Variants in UBE3A observed in about 807,000 individuals in gnomAD.
The protein encoded by UBE3A is ubiquitin-protein ligase E3A.
A neutral mutation model predicts 83.4 loss-of-function variants in UBE3A; 6 were observed. The observed-to-expected ratio is 0.07, with a 90% CI of 0.04 to 0.14. UBE3A has a LOEUF of 0.14. UBE3A is among the 10% of genes least tolerant of loss of function. The probability of loss-of-function intolerance (pLI) is 1.00; values close to 1 mark genes in which losing one functional copy is unlikely to be tolerated. For synonymous variants in UBE3A, 337 were observed against 355.4 expected (o/e 0.95, Z 0.58); for missense variants, 456 against 1,036.1 (o/e 0.44, Z 7.69).
At chr15:25,415,765 G>A (rs545924854) in intron 1 of UBE3A, 1 of 148,972 alleles carries the variant, frequency 6.7e-6, no homozygotes, top group African/African-American at 2.5e-5. Context: ...TAAGCTGATT[G>A]ATGGTAGGGA....
chr15:25,414,668 T>C (rs1288307103), intron 1 of UBE3A, among the ~76,000 whole-genome samples: 1 of 152,216 alleles, frequency 6.6e-6, no homozygotes, highest in Non-Finnish European at 1.5e-5. Context: ...AGTCATATTC[T>C]AAAGAGTCTC....
intron 11 of UBE3A, among the ~76,000 whole-genome samples, chr15:25,349,309 T>C (rs2076162655): frequency 6.6e-6 from 1 of 152,140 alleles, no homozygotes; most frequent in Non-Finnish European, 1.5e-5. Context: ...TAAACCTATA[T>C]TACACAATTA....
chr15:25,360,352 G>T, intron 7 of UBE3A, 31 bp downstream of exon 7: 2 of 1,612,276 alleles, frequency 1.2e-6, no homozygotes, highest in South Asian at 2.2e-5. Flanking sequence ...AAGATGATAC[G>T]ACACCATAAT....
At chr15:25,356,181 T>A in intron 8 of UBE3A, 125 bp from the exon 9 acceptor site, 1 of 1,186,440 alleles carries the variant, frequency 8.4e-7, no homozygotes, top group South Asian at 1.3e-5. Flanking sequence ...GTGTAGACAG[T>A]ATCCCTCCAG....
chr15:25,393,718 A>G (rs1197688032), intron 4 of UBE3A: 1 of 152,194 alleles, frequency 6.6e-6, no homozygotes, highest in Non-Finnish European at 1.5e-5. Context: ...AACTATCCCT[A>G]CTGTGAACTA....
chr15:25,340,060 C>T (rs2074487056), intron 12 of UBE3A, 25 bp downstream of exon 12: 1 of 1,613,830 alleles, frequency 6.2e-7, no homozygotes, highest in Non-Finnish European at 8.5e-7. Flanking sequence ...GGTAGGTATA[C>T]AGTCACAAGT....
intron 8 of UBE3A, 115 bp downstream of exon 8, chr15:25,356,576 G>C (rs2077242436): frequency 2.0e-6 from 2 of 1,016,632 alleles, no homozygotes; most frequent in Non-Finnish European, 3.0e-6. Context: ...TTATCTTATT[G>C]ATAAGAGTAT....
At chr15:25,409,943 A>C (rs1008804524) in intron 2 of UBE3A, among the ~76,000 whole-genome samples, 6 of 150,736 alleles carry the variant, frequency 4.0e-5, no homozygotes, top group African/African-American at 1.5e-4. Flanking sequence ...GAACTGAACA[A>C]TGAGAACACA....
rs2081077265 is a variant in UBE3A at position 25,375,597 on chromosome 15, C to T, written c.229G>A (p.Ala77Thr). The change falls in exon 5 of 13, where the codon GCA becomes ACA. Residue 77 changes from alanine (A) to threonine (T), a missense_variant. This residue lies in a region of UBE3A where 20 missense variants were observed against 50.4 expected (regional missense o/e 0.40). Coordinates refer to ENST00000648336, the MANE Select transcript of UBE3A (RefSeq NM_130839.5). Reference sequence around the variant, plus strand: ...GAGGGATGAGGATCACAGAGTTTTGCATTAATCTTATAAAGCTCGAGGGCT... The same window carrying T: ...GAGGGATGAGGATCACAGAGTTTTGTATTAATCTTATAAAGCTCGAGGGCT... ...IKALELYKIN[A>T]KLCDPHPSKK... 6.2e-7 allele frequency: 1 copy of T among 1,613,996 alleles called. No homozygotes were observed. Among genetic ancestry groups the T allele is most frequent in the Non-Finnish European group, 8.5e-7 (1 of 1,180,036 alleles).
chr15:25,339,120 T>C lies in UBE3A; in HGVS notation c.*17A>G. The stretch of plus-strand genomic sequence containing the variant: ...TTTTTCCTTCCTTTTTTTTGTTTTA[T>C]TTTGTTTTGTTTTGTTTTACAGCAT... On this transcript the variant is annotated 3_prime_UTR_variant, in exon 13 of 13. Transcript: ENST00000648336. 1 of 1,504,570 alleles carries C rather than the reference T, an allele frequency of 6.6e-7. No individual in the cohort carries two copies. The highest frequency in any genetic ancestry group is 2.2e-4 in the Middle Eastern group (1 of 4,586). 93.2% of individuals were successfully genotyped at this position (1,504,570 alleles called of 1,614,324 possible). A position where few individuals can be genotyped will look rare whatever the true frequency, so the allele number is the denominator to read the frequency against.
At chr15:25,342,501 G>C (rs1345495441) in intron 11 of UBE3A, among the ~76,000 whole-genome samples, 3 of 151,542 alleles carry the variant, frequency 2.0e-5, no homozygotes, top group Non-Finnish European at 2.9e-5. Flanking sequence ...TTAACATTTT[G>C]AATTAAACAA....
intron 7 of UBE3A, among the ~76,000 whole-genome samples, chr15:25,358,887 C>T (rs990451610): frequency 6.6e-6 from 1 of 152,118 alleles, no homozygotes; most frequent in African/African-American, 2.4e-5. Context: ...ATGGTATTAA[C>T]AGGATCAAGA....
chr15:25,406,856 GAAAAAAA>G (rs11413336), intron 3 of UBE3A, among the ~76,000 whole-genome samples: 4 of 114,684 alleles, frequency 3.5e-5, no homozygotes, highest in Non-Finnish European at 6.7e-5. Flanking sequence ...AATGGAAAAG[GAAAAAAA>G]AAAAAAAAAA....
rs148415998 is a variant in UBE3A at position 25,367,275 on chromosome 15, A to G, written c.1608+3291T>C. On this transcript the variant is annotated intron_variant, in intron 6 of 12. Coordinates refer to ENST00000648336, the MANE Select transcript of UBE3A (RefSeq NM_130839.5). ...CATATTTGTAAATATGTAAATATTT[A>G]CATATTTAAATTAAATTAATTTACA... Among the ~76,000 whole-genome samples, 845 of 111,222 alleles carry G rather than the reference A, an allele frequency of 7.6e-3. 8 individuals are homozygous for G. The highest frequency in any genetic ancestry group is 0.034 in the East Asian group (56 of 1,638). The allele number at this position is 111,222 out of a possible 152,430, so 73.0% of individuals were successfully genotyped here.
chr15:25,399,837 C>T (rs1201848988), intron 4 of UBE3A, among the ~76,000 whole-genome samples: 1 of 152,034 alleles, frequency 6.6e-6, no homozygotes, highest in Non-Finnish European at 1.5e-5. Flanking sequence ...CTCAGTCTCC[C>T]AGAGTGTGGG....
At chr15:25,433,286 C>A (rs150721994) in intron 1 of UBE3A, among the ~76,000 whole-genome samples, 3,791 of 151,454 alleles carry the variant, frequency 0.025, 164 homozygotes, top group African/African-American at 0.088. Context: ...CGTGTTCAAG[C>A]GTTTCCCCTG....
rs144068356 is a variant in UBE3A at position 25,429,862 on chromosome 15, G to A, written c.-165+8627C>T. On this transcript the variant is annotated intron_variant, in intron 1 of 12. Coordinates refer to ENST00000648336, the MANE Select transcript of UBE3A (RefSeq NM_130839.5). The stretch of plus-strand genomic sequence containing the variant: ...TCTACTAAAAATACAAAAATTAGCC[G>A]GGCGTGGTAGTGCACACCTGTAGTC... Among the ~76,000 whole-genome samples the A allele has an allele frequency of 6.7e-4, 100 of 149,400 alleles. 1 individual carries two copies. The highest frequency in any genetic ancestry group is 2.3e-3 in the African/African-American group (91 of 40,264).
chr15:25,365,746 TAAAAAAAAAA>T (rs36057934), intron 6 of UBE3A, among the ~76,000 whole-genome samples: 2 of 109,448 alleles, frequency 1.8e-5, no homozygotes, highest in Non-Finnish European at 3.8e-5. Flanking sequence ...AGACTCCGTC[TAAAAAAAAAA>T]AAAAAAAAAG....
Position 25,438,500 on chromosome 15 carries a change from C to T in UBE3A, c.-176G>A, listed in dbSNP as rs1387668329. The T allele has an allele frequency of 1.3e-5, 2 of 152,334 alleles. No homozygotes were observed. Among genetic ancestry groups the T allele is most frequent in the Non-Finnish European group, 2.9e-5 (2 of 68,082 alleles). The allele number at this position is 152,334 out of a possible 1,614,324, so 9.4% of individuals were successfully genotyped here. On this transcript the variant is annotated 5_prime_UTR_variant, in exon 1 of 13. Transcript: ENST00000648336. ...GCGGCAACACTGACCTGTCGTCGCCCCCGCGCCTGGGCTGCGGCGGCCGCC... is the reference window on the plus strand; with the variant it reads ...GCGGCAACACTGACCTGTCGTCGCCTCCGCGCCTGGGCTGCGGCGGCCGCC...
Sources: gnomAD v4.1 joint callset for allele counts (sites outside exome capture counted in the v4.1 genomes callset) on GRCh38, gnomAD v4.1.1 for gene constraint, gnomAD v4.1.1 regional missense constraint, MANE v1.5 for transcripts, NCBI Gene and HGNC (gene_info 2026-07-23, HGNC 2026-07-21) for gene names.